TMEM132D: variants seen among roughly 807,000 people sequenced by gnomAD.
The protein encoded by TMEM132D is mature OL transmembrane protein.
Under a neutral mutation model 62.3 loss-of-function variants are expected in TMEM132D, and 21 were observed. The observed-to-expected ratio is 0.34, with a 90% CI of 0.24 to 0.49. The LOEUF is 0.49. Ranked by LOEUF, TMEM132D falls within the 20% of genes least tolerant of loss-of-function variation. The pLI is 0.99. For synonymous variants in TMEM132D, 621 were observed against 575.6 expected (o/e 1.08, Z -1.13); for missense variants, 1,346 against 1,402.8 (o/e 0.96, Z 0.65).
intron 3 of TMEM132D, among the ~76,000 whole-genome samples, chr12:129,422,243 T>G (rs1872349384): frequency 6.6e-6 from 1 of 152,252 alleles, no homozygotes; most frequent in African/African-American, 2.4e-5. Context: ...TTTTAAATTT[T>G]ATTGGCGAAA....
At chr12:129,252,805 C>T (rs111793927) in intron 4 of TMEM132D, among the ~76,000 whole-genome samples, 1,561 of 151,966 alleles carry the variant, frequency 0.01, 38 homozygotes, top group African/African-American at 0.035. Context: ...TGTCCAACAA[C>T]GATAGACTGG....
intron 2 of TMEM132D, among the ~76,000 whole-genome samples, chr12:129,584,261 T>C (rs897179877): frequency 1.3e-5 from 2 of 152,236 alleles, no homozygotes; most frequent in Non-Finnish European, 2.9e-5. Flanking sequence ...TTTCTGTCTC[T>C]AGTGTATTGC....
intron 4 of TMEM132D, among the ~76,000 whole-genome samples, chr12:129,259,102 A>G (rs1880484011): frequency 6.6e-6 from 1 of 152,206 alleles, no homozygotes; most frequent in South Asian, 2.1e-4. Flanking sequence ...TTATCTAGTC[A>G]TCACCTTTCA....
intron 1 of TMEM132D, among the ~76,000 whole-genome samples, chr12:129,817,122 T>C (rs1369304954): frequency 1.3e-5 from 2 of 152,190 alleles, no homozygotes; most frequent in African/African-American, 2.4e-5. Context: ...ATCGGAGCAA[T>C]GATAAGTTAA....
intron 4 of TMEM132D, among the ~76,000 whole-genome samples, chr12:129,310,537 C>T (rs1225760220): frequency 6.6e-6 from 1 of 152,216 alleles, no homozygotes; most frequent in Non-Finnish European, 1.5e-5. Flanking sequence ...CCTGCTGGGG[C>T]TTCCAGAGAC....
At chr12:129,882,820 A>C (rs968443175) in intron 1 of TMEM132D, among the ~76,000 whole-genome samples, 20 of 152,226 alleles carry the variant, frequency 1.3e-4, no homozygotes, top group Non-Finnish European at 2.5e-4. Flanking sequence ...GGCAAGGTTC[A>C]ATGCCTGTTT....
chr12:129,673,349 CT>C (rs1339683546), intron 2 of TMEM132D, among the ~76,000 whole-genome samples: 2 of 152,190 alleles, frequency 1.3e-5, no homozygotes, highest in Non-Finnish European at 2.9e-5. Context: ...TGAAATAAAA[CT>C]GGCAGACAAT....
At chr12:129,224,883 A>G (rs1879440511) in intron 4 of TMEM132D, among the ~76,000 whole-genome samples, 1 of 152,126 alleles carries the variant, frequency 6.6e-6, no homozygotes, top group South Asian at 2.1e-4. Context: ...TAATTATCCT[A>G]AGCAAACTCA....
chr12:129,498,144 GA>G (rs1231379800), intron 3 of TMEM132D, among the ~76,000 whole-genome samples: 5 of 152,142 alleles, frequency 3.3e-5, no homozygotes, highest in African/African-American at 1.2e-4. Context: ...CTTTAATAAT[GA>G]AATGTTTTCA....
In TMEM132D at chr12:129,806,582, C is replaced by T. The variant is rs1417471130; in HGVS notation, c.79+96679G>A. Among the ~76,000 whole-genome samples, 5 of 148,860 alleles carry T rather than the reference C, an allele frequency of 3.4e-5. No homozygotes were observed. The South Asian group carries it at 6.5e-4, about 19-fold the overall frequency. On this transcript the variant is annotated intron_variant, in intron 1 of 8. Transcript: ENST00000422113. ...GGGGGAGGGATAGCATTGGGAGATA[C>T]ACCTAATGCTAGATGATGAGTTAGT... is the stretch of plus-strand genomic sequence containing the variant.
intron 3 of TMEM132D, among the ~76,000 whole-genome samples, chr12:129,374,035 A>C (rs1325659933): frequency 1.3e-5 from 2 of 152,232 alleles, no homozygotes; most frequent in African/African-American, 4.8e-5. Context: ...AATAAAGAAT[A>C]AAAAGGAATG....
At chr12:129,235,862 TA>T (rs913464284) in intron 4 of TMEM132D, among the ~76,000 whole-genome samples, 17 of 151,900 alleles carry the variant, frequency 1.1e-4, no homozygotes, top group Non-Finnish European at 1.5e-4. Flanking sequence ...ATCTTAGAAT[TA>T]AAAAAAACAT....
chr12:129,760,500 G>A (rs1870330281), intron 1 of TMEM132D, among the ~76,000 whole-genome samples: 1 of 151,576 alleles, frequency 6.6e-6, no homozygotes, highest in South Asian at 2.1e-4. Context: ...ACAGGCGCCC[G>A]CCTCCACGCC....
intron 4 of TMEM132D, chr12:129,212,158 A>G (rs1879072138): frequency 6.6e-6 from 1 of 152,236 alleles, no homozygotes. Context: ...CTCTAACGAT[A>G]AAAATCAAAA....
chr12:129,200,362 GT>G (rs1282218274), intron 5 of TMEM132D, among the ~76,000 whole-genome samples: 5 of 152,206 alleles, frequency 3.3e-5, no homozygotes, highest in Non-Finnish European at 7.3e-5. Context: ...CATCTCTTGT[GT>G]TAGTGCATCA....
intron 2 of TMEM132D, among the ~76,000 whole-genome samples, chr12:129,680,479 C>T (rs1338295979): frequency 6.6e-6 from 1 of 152,096 alleles, no homozygotes; most frequent in Non-Finnish European, 1.5e-5. Context: ...TTTATTATGT[C>T]TTCTGTTTGA....
intron 1 of TMEM132D, among the ~76,000 whole-genome samples, chr12:129,786,405 C>T (rs1055559472): frequency 5.3e-5 from 8 of 151,852 alleles, no homozygotes; most frequent in East Asian, 3.9e-4. Context: ...CACCTCGTGG[C>T]GAAAATGGGG....
rs528589190 is a variant in TMEM132D at position 129,630,312 on chromosome 12, A to G, written c.968+69498T>C. Among the ~76,000 whole-genome samples the G allele has an allele frequency of 2.0e-5, 3 of 152,356 alleles. No individual in the cohort carries two copies. In the South Asian group the frequency reaches 6.2e-4, roughly 32 times the overall value. On this transcript the variant is annotated intron_variant, in intron 2 of 8. Transcript: ENST00000422113. ...TTGGACTTCAAGGCAGCTGGACATGAAGAGAAAGAAAGAAGAAAGAAAAAC... is the reference window on the plus strand; with the variant it reads ...TTGGACTTCAAGGCAGCTGGACATGGAGAGAAAGAAAGAAGAAAGAAAAAC...
intron 2 of TMEM132D, among the ~76,000 whole-genome samples, chr12:129,649,918 G>A (rs1483932403): frequency 6.6e-6 from 1 of 151,794 alleles, no homozygotes; most frequent in Non-Finnish European, 1.5e-5. Flanking sequence ...ATGTGTACGT[G>A]TGTGTGTATG....
Sources: gnomAD v4.1 joint callset for allele counts (sites outside exome capture counted in the v4.1 genomes callset) on GRCh38, gnomAD v4.1.1 for gene constraint, MANE v1.5 for transcripts, NCBI Gene and HGNC (gene_info 2026-07-23, HGNC 2026-07-21) for gene names.